Variants in ASTN1 observed in about 807,000 individuals in gnomAD.
ASTN1 encodes astrotactin-1.
ASTN1 carries 41 observed loss-of-function variants against 140.7 expected under a neutral mutation model. That is an observed-to-expected ratio of 0.29 (90% CI 0.23 to 0.38). The LOEUF (loss-of-function observed/expected upper bound fraction) is 0.38, where lower values mean the gene tolerates loss of function less well. ASTN1 is among the 10% of genes least tolerant of loss of function. The probability of loss-of-function intolerance (pLI) is 1.00; values close to 1 mark genes in which losing one functional copy is unlikely to be tolerated. For missense variants in ASTN1, 1,479 were observed against 1,678.8 expected (o/e 0.88, Z 2.08); for synonymous variants, 640 against 652.2 (o/e 0.98, Z 0.29).
chr1:176,934,809 G>A (rs575999577), intron 15 of ASTN1, among the ~76,000 whole-genome samples: 3 of 152,168 alleles, frequency 2.0e-5, no homozygotes, highest in African/African-American at 4.8e-5. Flanking sequence ...GTATGTGTAC[G>A]CGCAAGGTCA....
At chr1:176,899,774 C>G (rs1669687309) in intron 16 of ASTN1, among the ~76,000 whole-genome samples, 1 of 152,154 alleles carries the variant, frequency 6.6e-6, no homozygotes, top group Non-Finnish European at 1.5e-5. Context: ...TAATCAGTCT[C>G]TTGGGATGTA....
chr1:176,928,919 A>G (rs1192550938), intron 16 of ASTN1, among the ~76,000 whole-genome samples: 1 of 152,186 alleles, frequency 6.6e-6, no homozygotes, highest in Non-Finnish European at 1.5e-5. Context: ...AGAGAGTTTC[A>G]AGTGGAGGAC....
At chr1:176,942,410 A>G (rs1490239431) in intron 14 of ASTN1, among the ~76,000 whole-genome samples, 1 of 152,102 alleles carries the variant, frequency 6.6e-6, no homozygotes, top group African/African-American at 2.4e-5. Context: ...ACAGACCTAC[A>G]TCTCTTCCCA....
In ASTN1 at chr1:177,131,113, CCT is replaced by C. The variant is rs772363656; in HGVS notation, c.283+33279_283+33280del. Among the ~76,000 whole-genome samples, 245 of 152,266 alleles carry C rather than the reference CCT, an allele frequency of 1.6e-3. 2 individuals carry two copies. The highest frequency in any genetic ancestry group is 2.9e-3 in the Non-Finnish European group (200 of 68,018). On this transcript the variant is annotated intron_variant, in intron 1 of 22. Coordinates refer to ENST00000361833, the MANE Select transcript of ASTN1 (RefSeq NM_004319.3). The stretch of plus-strand genomic sequence containing the variant: ...GTGGTCCTTACTGCTGTATTTACTC[CCT>C]GTCTGCCTGGGCTACAGTGAATGTG...
intron 1 of ASTN1, among the ~76,000 whole-genome samples, chr1:177,083,438 C>T (rs753071362): frequency 5.3e-5 from 8 of 151,710 alleles, no homozygotes; most frequent in East Asian, 1.9e-4. Flanking sequence ...TCAGGTCATG[C>T]GCCATTGAGA....
chr1:177,116,381 C>A (rs1681093185), intron 1 of ASTN1, among the ~76,000 whole-genome samples: 1 of 151,556 alleles, frequency 6.6e-6, no homozygotes, highest in Non-Finnish European at 1.5e-5. Flanking sequence ...TTTCATAATA[C>A]CTCTTTTCTC....
intron 8 of ASTN1, among the ~76,000 whole-genome samples, chr1:176,999,146 T>A (rs979345115): frequency 4.6e-5 from 7 of 152,202 alleles, no homozygotes; most frequent in African/African-American, 1.7e-4. Flanking sequence ...TAAAACTACA[T>A]GGCTTAGAGA....
At chr1:176,951,824 C>A (rs1190747361) in intron 11 of ASTN1, among the ~76,000 whole-genome samples, 2 of 152,022 alleles carry the variant, frequency 1.3e-5, no homozygotes, top group Non-Finnish European at 2.9e-5. Context: ...TCAATAAAGC[C>A]AAAAATAGTA....
Position 176,864,453 on chromosome 1 carries a change from G to A in ASTN1, c.3716C>T (p.Pro1239Leu), listed in dbSNP as rs757918315. ...TGAGCTGCGCCGCAAGCTTATCTTGGGTTCCTGAAGGAGTCCATTGCACCA... is the reference window on the plus strand; with the variant it reads ...TGAGCTGCGCCGCAAGCTTATCTTGAGTTCCTGAAGGAGTCCATTGCACCA... ...SSWCNGLLQE[P>L]KISLRRSSLK... Residue 1239 changes from proline (P) to leucine (L), a missense_variant, in exon 23 of 23, where the codon CCC (proline) becomes CTC (leucine). Around this residue, in one of 3 missense-constraint regions of ASTN1, gnomAD observed 746 missense variants for 800.9 expected, o/e 0.93. Coordinates refer to ENST00000361833, the MANE Select transcript of ASTN1 (RefSeq NM_004319.3). 1.2e-6 allele frequency: 2 copies of A among 1,614,112 alleles called. No homozygotes were observed. Among genetic ancestry groups the A allele is most frequent in the Admixed American group, 3.3e-5 (2 of 60,014 alleles).
chr1:177,035,129 A>G (rs945271880), intron 2 of ASTN1, among the ~76,000 whole-genome samples: 1 of 152,242 alleles, frequency 6.6e-6, no homozygotes, highest in African/African-American at 2.4e-5. Flanking sequence ...TTTTAACTCA[A>G]TTCCCCATTT....
chr1:177,124,491 G>A (rs141320258), intron 1 of ASTN1, among the ~76,000 whole-genome samples: 1 of 152,176 alleles, frequency 6.6e-6, no homozygotes, highest in East Asian at 1.9e-4. Context: ...GGGCGTGAGT[G>A]TGAGCTTCAT....
At chr1:177,149,110 GTATATATAGTAAATATATATAGTGCA>G (rs1682857255) in intron 1 of ASTN1, among the ~76,000 whole-genome samples, 1 of 108,316 alleles carries the variant, frequency 9.2e-6, no homozygotes, top group African/African-American at 5.2e-5. Flanking sequence ...TATATATAGT[GTATATATAGTAAATATATATAGTGCA>G]TATATATAGT....
At chr1:177,151,389 A>G (rs1041558657) in intron 1 of ASTN1, among the ~76,000 whole-genome samples, 16 of 151,758 alleles carry the variant, frequency 1.1e-4, no homozygotes, top group South Asian at 2.1e-4. Flanking sequence ...ATGGCATTGG[A>G]GTAGAAGGGA....
intron 5 of ASTN1, 59 bp downstream of exon 5, chr1:177,029,575 C>T (rs1676313260): frequency 1.2e-5 from 18 of 1,543,752 alleles, no homozygotes; most frequent in Non-Finnish European, 1.6e-5. Context: ...TCTTCGCCTT[C>T]CCCCGCCTCC....
At chr1:176,865,636 A>G (rs1344331097) in intron 22 of ASTN1, among the ~76,000 whole-genome samples, 1 of 152,232 alleles carries the variant, frequency 6.6e-6, no homozygotes, top group Non-Finnish European at 1.5e-5. Context: ...AATAAACACT[A>G]TTCTTTGCAG....
chr1:177,030,819 G>T lies in ASTN1; in HGVS notation c.999C>A (p.Asn333Lys), dbSNP rs1439980502. 6.2e-7 allele frequency: 1 copy of T among 1,613,998 alleles called. No homozygotes were observed. The highest frequency in any genetic ancestry group is 1.3e-5 in the African/African-American group (1 of 74,902). The change falls in exon 4 of 23, where the codon AAC (asparagine) becomes AAA (lysine). Residue 333 changes from asparagine to lysine, a missense_variant. By Grantham distance (94) the Asn-to-Lys change is moderately conservative (BLOSUM62 0). Transcript: ENST00000361833. Reference sequence around the variant, plus strand: ...AGACATGCATACCTCTTGCTTTGTTGTTGATCCGCTTTCTCTGGCTGCTGG... The same window carrying T: ...AGACATGCATACCTCTTGCTTTGTTTTTGATCCGCTTTCTCTGGCTGCTGG... ...HTSSSQRKRI[N>K]NKARAGSAFL... is the part of the protein sequence containing the mutation.
At chr1:177,061,013 C>A (rs1678055583) in intron 2 of ASTN1, 65 bp downstream of exon 2, 2 of 1,389,898 alleles carry the variant, frequency 1.4e-6, no homozygotes, top group South Asian at 1.8e-5. Context: ...TCTATAATAC[C>A]AAGACCCTTA....
chr1:177,008,721 G>C (rs1675132638), intron 8 of ASTN1, among the ~76,000 whole-genome samples: 1 of 152,064 alleles, frequency 6.6e-6, no homozygotes, highest in Non-Finnish European at 1.5e-5. Context: ...TGATAATGAT[G>C]AGAGAGAAAG....
At chr1:177,047,329 G>A (rs900304511) in intron 2 of ASTN1, among the ~76,000 whole-genome samples, 8 of 152,302 alleles carry the variant, frequency 5.3e-5, no homozygotes, top group African/African-American at 1.7e-4. Flanking sequence ...AATCATAGAA[G>A]TATTAAATAG....
Sources: allele counts gnomAD v4.1 joint callset (sites outside exome capture counted in the v4.1 genomes callset), GRCh38; gene constraint gnomAD v4.1.1; regional missense constraint gnomAD v4.1.1; transcripts MANE v1.5; gene names NCBI Gene and HGNC (gene_info 2026-07-23, HGNC 2026-07-21).